INTS9: variants seen among roughly 807,000 people sequenced by gnomAD.
INTS9 encodes the protein protein related to CPSF subunits of 74 kDa.
INTS9 carries 55 observed loss-of-function variants against 79.7 expected under a neutral mutation model. That is an observed-to-expected ratio of 0.69 (90% CI 0.56 to 0.86). The LOEUF (loss-of-function observed/expected upper bound fraction) is 0.86. Ranked by LOEUF, INTS9 falls within the 40% of genes least tolerant of loss-of-function variation. INTS9 has a pLI of 0.00. For synonymous variants in INTS9, 319 were observed against 325.2 expected, an observed-to-expected ratio of 0.98 and a Z score of 0.20; for missense variants, 721 against 831.5, an observed-to-expected ratio of 0.87 and a Z score of 1.64.
chr8:28,808,027 G>A (rs1804906076), intron 8 of INTS9, among the ~76,000 whole-genome samples: 1 of 152,176 alleles, frequency 6.6e-6, no homozygotes, highest in African/African-American at 2.4e-5. Context: ...CTCATGCTCA[G>A]TAAAGGCTAG....
rs201184763 is a variant in INTS9, at chr8:28,860,031, TTAAC to T, written c.10-472_10-469del. Among the ~76,000 whole-genome samples, 1,402 of 152,268 alleles carry T rather than the reference TTAAC, an allele frequency of 9.2e-3. 24 individuals carry two copies. Among genetic ancestry groups the T allele is most frequent in the African/African-American group, 0.032 (1,337 of 41,540 alleles). On this transcript the variant is annotated intron_variant, in intron 1 of 16. Coordinates refer to ENST00000521022, the MANE Select transcript of INTS9 (RefSeq NM_018250.4). Reference sequence around the variant, plus strand: ...CTCAAAGAGGAACTGGTTAGAAAGGTTAACTAACAAGCATGAGTAAAGGTTTATG... The same window carrying T: ...CTCAAAGAGGAACTGGTTAGAAAGGTTAACAAGCATGAGTAAAGGTTTATG...
At chr8:28,854,520 G>A (rs2131273433) in intron 2 of INTS9, among the ~76,000 whole-genome samples, 1 of 152,268 alleles carries the variant, frequency 6.6e-6, no homozygotes, top group African/African-American at 2.4e-5. Flanking sequence ...AAACAGGGAA[G>A]AGCCTCATCA....
At chr8:28,807,977 T>C (rs1228427617) in intron 8 of INTS9, among the ~76,000 whole-genome samples, 2 of 152,198 alleles carry the variant, frequency 1.3e-5, no homozygotes, top group African/African-American at 4.8e-5. Flanking sequence ...TTCAGCATGG[T>C]TGCTAAATAT....
intron 12 of INTS9, 94 bp downstream of exon 12, chr8:28,780,729 T>C (rs1019105674): frequency 5.9e-6 from 9 of 1,533,312 alleles, no homozygotes; most frequent in African/African-American, 2.8e-5. Flanking sequence ...TATGTCTCAC[T>C]GCAAAATCCT....
Position 28,781,048 on chromosome 8 carries a change from G to A in INTS9, c.1099-54C>T, listed in dbSNP as rs1404532558. 4.8e-6 allele frequency: 7 copies of A among 1,463,816 alleles called. No homozygotes were observed. In the East Asian group the frequency reaches 9.5e-5, roughly 20 times the overall value. 90.7% of individuals were successfully genotyped at this position (1,463,816 alleles called of 1,614,324 possible). On this transcript the variant is annotated intron_variant, in intron 11 of 16. Coordinates refer to ENST00000521022, the MANE Select transcript of INTS9 (RefSeq NM_018250.4). ...ATGTGAGCCTGCCCAGGCTGAAGGG[G>A]GAACCAAAGTACGGGAGGGTGAGCG...
intron 8 of INTS9, among the ~76,000 whole-genome samples, chr8:28,800,184 A>G (rs1804444064): frequency 1.3e-5 from 2 of 152,232 alleles, no homozygotes; most frequent in African/African-American, 4.8e-5. Context: ...TACAGCATTT[A>G]CTAAACAAAC....
chr8:28,796,520 G>GT (rs747977908), intron 9 of INTS9, 24 bp downstream of exon 9: 1 of 1,271,424 alleles, frequency 7.9e-7, no homozygotes, highest in Non-Finnish European at 1.2e-6. Flanking sequence ...ATCATCCAAC[G>GT]TAAGATGAGA....
chr8:28,833,618 TCAAAAACAAAAA>T lies in INTS9; in HGVS notation c.488+1662_488+1673del, dbSNP rs373629333. On this transcript the variant is annotated intron_variant, in intron 6 of 16. Coordinates refer to ENST00000521022, the MANE Select transcript of INTS9 (RefSeq NM_018250.4). ...CTGGGCGACAGAGTTAGACTCTGTC[TCAAAAACAAAAA>T]CAAAAACAAAAACAAAAACCAAAAA... 3.9e-4 allele frequency among the ~76,000 whole-genome samples: 53 copies of T among 136,948 alleles called. 1 individual carries two copies. The highest frequency in any genetic ancestry group is 2.3e-3 in the East Asian group (11 of 4,696). 89.8% of individuals were successfully genotyped at this position (136,948 alleles called of 152,430 possible).
rs1190494265 is a variant in INTS9 at position 28,769,963 on chromosome 8, G to A, written c.1726C>T (p.Pro576Ser). 6.2e-7 allele frequency: 1 copy of A among 1,614,100 alleles called. No individual in the cohort carries two copies. Among genetic ancestry groups the A allele is most frequent in the African/African-American group, 1.3e-5 (1 of 74,952 alleles). The change falls in exon 16 of 17, where the codon CCA becomes TCA. Residue 576 changes from proline (P) to serine (S), a missense_variant. Around this residue, in one of 3 missense-constraint regions of INTS9, gnomAD observed 281 missense variants for 300.8 expected, o/e 0.93. Coordinates refer to ENST00000521022, the MANE Select transcript of INTS9 (RefSeq NM_018250.4). Reference protein sequence around the residue: ...KKRKRVSDDVPDCKVLKPLLS... With the variant: ...KKRKRVSDDVSDCKVLKPLLS... Reference sequence around the variant, plus strand: ...AAAGGCTTCAGGACTTTGCAGTCTGGTACGTCATCGCTCACCCGCTTTCTC... The same window carrying A: ...AAAGGCTTCAGGACTTTGCAGTCTGATACGTCATCGCTCACCCGCTTTCTC...
chr8:28,879,011 T>C (rs1585527502), intron 1 of INTS9, among the ~76,000 whole-genome samples: 4 of 151,796 alleles, frequency 2.6e-5, no homozygotes, highest in Admixed American at 6.6e-5. Context: ...GAAATAATAC[T>C]AATTCTTCAT....
chr8:28,843,767 A>G (rs1248489042), intron 4 of INTS9, among the ~76,000 whole-genome samples: 10 of 149,768 alleles, frequency 6.7e-5, no homozygotes, highest in Admixed American at 6.7e-4. Context: ...CTTTTTTTAC[A>G]ATGGTCCTTA....
chr8:28,801,428 T>C (rs1804510727), intron 8 of INTS9, among the ~76,000 whole-genome samples: 1 of 151,854 alleles, frequency 6.6e-6, no homozygotes, highest in South Asian at 2.1e-4. Context: ...AGGCAGAAGC[T>C]GCAGTGAACT....
intron 6 of INTS9, among the ~76,000 whole-genome samples, chr8:28,814,800 G>A (rs1453813561): frequency 6.6e-6 from 1 of 152,134 alleles, no homozygotes; most frequent in African/African-American, 2.4e-5. Flanking sequence ...CCTCAGGGTA[G>A]GGGGCTGAAA....
At chr8:28,881,414 C>A (rs1347138379) in intron 1 of INTS9, among the ~76,000 whole-genome samples, 4 of 49,208 alleles carry the variant, frequency 8.1e-5, no homozygotes, top group African/African-American at 3.1e-4. Context: ...AGCCGCCCCG[C>A]CCGGGAGGGA....
At chr8:28,819,117 T>C (rs1805675963) in intron 6 of INTS9, among the ~76,000 whole-genome samples, 1 of 152,240 alleles carries the variant, frequency 6.6e-6, no homozygotes, top group South Asian at 2.1e-4. Context: ...TTGGATTCAC[T>C]AATTTTTGGA....
intron 2 of INTS9, among the ~76,000 whole-genome samples, chr8:28,851,977 G>C (rs1807863778): frequency 6.6e-6 from 1 of 152,120 alleles, no homozygotes; most frequent in Non-Finnish European, 1.5e-5. Flanking sequence ...CCAGCACTTT[G>C]GGAGGCCAAG....
At chr8:28,842,335 T>G (rs1807241263) in intron 4 of INTS9, among the ~76,000 whole-genome samples, 1 of 152,152 alleles carries the variant, frequency 6.6e-6, no homozygotes, top group Non-Finnish European at 1.5e-5. Context: ...ATGTTGTAAT[T>G]TGTTGGATGT....
chr8:28,775,248 A>G (rs1376425612), intron 14 of INTS9, among the ~76,000 whole-genome samples: 1 of 152,192 alleles, frequency 6.6e-6, no homozygotes, highest in Admixed American at 6.5e-5. Context: ...GGTAAGGAGC[A>G]GTCCTGACTA....
At chr8:28,865,355 C>G (rs560569566) in intron 1 of INTS9, among the ~76,000 whole-genome samples, 11 of 151,388 alleles carry the variant, frequency 7.3e-5, no homozygotes, top group Middle Eastern at 6.8e-3. Flanking sequence ...TAGAAATAGC[C>G]CAGCTACTTG....
Sources: gnomAD v4.1 joint callset for allele counts (sites outside exome capture counted in the v4.1 genomes callset) on GRCh38, gnomAD v4.1.1 for gene constraint, gnomAD v4.1.1 regional missense constraint, MANE v1.5 for transcripts, NCBI Gene and HGNC (gene_info 2026-07-23, HGNC 2026-07-21) for gene names.